TXNDC8: variants seen among roughly 807,000 people sequenced by gnomAD.
TXNDC8 encodes thioredoxin domain containing 8, also known as thioredoxin domain-containing protein 8.
In TXNDC8, 15 loss-of-function variants were observed where a neutral mutation model predicts 12.9. The observed-to-expected ratio is 1.16, with a 90% confidence interval of 0.78 to 1.79. The LOEUF (loss-of-function observed/expected upper bound fraction) is 1.79, where lower values mean the gene tolerates loss of function less well. Ranked by LOEUF, TXNDC8 falls within the 40% of genes most tolerant of loss-of-function variation. The pLI is 0.00. For synonymous variants in TXNDC8, 40 were observed against 35.4 expected (o/e 1.13, Z -0.46); for missense variants, 128 against 113.2 (o/e 1.13, Z -0.59).
At chr9:110,322,535 A>C (rs556504982) in intron 3 of TXNDC8, 11 of 985,442 alleles carry the variant, frequency 1.1e-5, no homozygotes, top group Non-Finnish European at 1.3e-5. Flanking sequence ...CAGAATTGAG[A>C]CCAAGCAGGG....
At position 110,329,154 on chromosome 9, in the gene TXNDC8, A is replaced by G; in HGVS notation, c.130-2914T>C. 3 of 1,232,194 alleles carry G rather than the reference A, an allele frequency of 2.4e-6. No homozygotes were observed. In the South Asian group the frequency reaches 3.9e-5, roughly 16 times the overall value. 76.3% of individuals were successfully genotyped at this position (1,232,194 alleles called of 1,614,324 possible). On this transcript the variant is annotated intron_variant, in intron 2 of 4. Transcript: ENST00000423740. ...TTGATTTTAAATTGGTCATGTATTA[A>G]TAATTACTGAGACAGTGCTATTCAA...
intron 3 of TXNDC8, among the ~76,000 whole-genome samples, 158 bp downstream of exon 4, chr9:110,326,017 G>A (rs1385357692): frequency 6.6e-6 from 1 of 152,126 alleles, no homozygotes. Context: ...TAAAGTTGTT[G>A]TATGTAAAGT....
At chr9:110,336,815 G>A (rs534305318) in intron 1 of TXNDC8, among the ~76,000 whole-genome samples, 1 of 152,266 alleles carries the variant, frequency 6.6e-6, no homozygotes, top group South Asian at 2.1e-4. Context: ...TACAACTGTA[G>A]TCTGGATGGC....
Position 110,303,515 on chromosome 9 carries a change from A to G in TXNDC8, c.*167T>C. 1 of 1,524,866 alleles carries G rather than the reference A, an allele frequency of 6.6e-7. No homozygotes were observed. The allele number at this position is 1,524,866 out of a possible 1,614,324, so 94.5% of individuals were successfully genotyped here. On this transcript the variant is annotated 3_prime_UTR_variant, in exon 5 of 5. Transcript: ENST00000423740. ...GTCACAAGTGTATTTTGCCTTGGAG[A>G]TCAGCTTACATTAATTCTTGAGTCT... is the stretch of plus-strand genomic sequence containing the variant.
At chr9:110,314,959 T>C (rs1838829503) in intron 3 of TXNDC8, among the ~76,000 whole-genome samples, 1 of 152,108 alleles carries the variant, frequency 6.6e-6, no homozygotes, top group Non-Finnish European at 1.5e-5. Context: ...GAGAATGGGG[T>C]GTGGCTGTCC....
intron 3 of TXNDC8, among the ~76,000 whole-genome samples, chr9:110,305,064 C>T (rs1031279756): frequency 4.2e-5 from 6 of 143,288 alleles, no homozygotes; most frequent in Admixed American, 7.6e-5. Flanking sequence ...ACGAGAATCA[C>T]TTGAACCCAG....
At chr9:110,309,429 A>G (rs904520877) in intron 3 of TXNDC8, among the ~76,000 whole-genome samples, 1 of 152,064 alleles carries the variant, frequency 6.6e-6, no homozygotes, top group Non-Finnish European at 1.5e-5. Context: ...TCTGCCTCCC[A>G]TGTTCAAGTG....
intron 2 of TXNDC8, among the ~76,000 whole-genome samples, chr9:110,328,445 G>A (rs7852696): frequency 0.38 from 58,517 of 152,044 alleles, 12,917 homozygotes; most frequent in African/African-American, 0.61. Flanking sequence ...CACAAAAAGC[G>A]TAAGATATTG....
rs763682901 is a variant in TXNDC8, at chr9:110,304,470, G to A, written c.258C>T (p.Asn86=). The A allele has an allele frequency of 6.2e-7, 1 of 1,608,648 alleles. No homozygotes were observed. The highest frequency in any genetic ancestry group is 2.2e-5 in the East Asian group (1 of 44,724). ...AACTTGATCCCATTTCACTTACCAG[G>A]TTGCTCATGAATCCACTTCTATAAC... Residue 86 remains asparagine (N), a synonymous_variant, in exon 4 of 5, where the codon AAC becomes AAT. Coordinates refer to ENST00000423740, the MANE Select transcript of TXNDC8 (RefSeq NM_001286946.2).
At chr9:110,331,842 G>T (rs771910552) in intron 2 of TXNDC8, among the ~76,000 whole-genome samples, 1 of 152,154 alleles carries the variant, frequency 6.6e-6, no homozygotes, top group Non-Finnish European at 1.5e-5. Flanking sequence ...CTCGCTGGCC[G>T]CTCACCTCCT....
At chr9:110,309,758 A>G (rs568565387) in intron 3 of TXNDC8, among the ~76,000 whole-genome samples, 2 of 152,254 alleles carry the variant, frequency 1.3e-5, no homozygotes, top group Non-Finnish European at 2.9e-5. Flanking sequence ...GTAAGAGGGT[A>G]GAAACAACTC....
downstream of TXNDC8, among the ~76,000 whole-genome samples, chr9:110,302,078 C>T (rs35933138): frequency 0.052 from 7,868 of 152,178 alleles, 278 homozygotes; most frequent in Middle Eastern, 0.085. Flanking sequence ...CAACCTCCAC[C>T]TTCCAGGCGC....
intron 1 of TXNDC8, 53 bp from the exon 2 acceptor site, chr9:110,334,373 A>AT (rs1475714078): frequency 1.4e-6 from 2 of 1,476,842 alleles, no homozygotes; most frequent in Non-Finnish European, 9.4e-7. Flanking sequence ...ATCTCATGAC[A>AT]TTTTGTAGAG....
At chr9:110,336,485 G>C (rs1445743552) in intron 1 of TXNDC8, among the ~76,000 whole-genome samples, 3 of 152,204 alleles carry the variant, frequency 2.0e-5, no homozygotes, top group Admixed American at 1.3e-4. Context: ...GTTTGGGTGT[G>C]AGCTGGCCTA....
intron 2 of TXNDC8, among the ~76,000 whole-genome samples, chr9:110,327,193 C>T (rs1375552967): frequency 6.6e-6 from 1 of 152,160 alleles, no homozygotes; most frequent in African/African-American, 2.4e-5. Context: ...CTTTAGAAAA[C>T]AGTTTGCCAC....
In TXNDC8 at chr9:110,313,876, T is replaced by C. The variant is rs566776117; in HGVS notation, c.196-9344A>G. ...TAAGCTTTCCTAATAACTTGGCACCTACCTGTCTAGGAATAAACCACCCTA... is the reference window on the plus strand; with the variant it reads ...TAAGCTTTCCTAATAACTTGGCACCCACCTGTCTAGGAATAAACCACCCTA... On this transcript the variant is annotated intron_variant, in intron 3 of 4. Transcript: ENST00000423740. Among the ~76,000 whole-genome samples the C allele has an allele frequency of 3.9e-5, 6 of 152,326 alleles. No homozygotes were observed. In the East Asian group the frequency reaches 1.2e-3, roughly 29 times the overall value.
At chr9:110,335,215 G>C (rs1423075947) in intron 1 of TXNDC8, among the ~76,000 whole-genome samples, 1 of 152,140 alleles carries the variant, frequency 6.6e-6, no homozygotes, top group Non-Finnish European at 1.5e-5. Flanking sequence ...TGCTCATAGA[G>C]TGTTTTCTTT....
intron 3 of TXNDC8, among the ~76,000 whole-genome samples, chr9:110,306,534 C>T (rs192692924): frequency 2.7e-3 from 414 of 152,288 alleles, no homozygotes; most frequent in Non-Finnish European, 4.7e-3. Flanking sequence ...CTGTCTCCCT[C>T]CCTGTTGCTC....
chr9:110,324,738 T>C (rs1839239829), intron 3 of TXNDC8, among the ~76,000 whole-genome samples: 1 of 152,186 alleles, frequency 6.6e-6, no homozygotes, highest in Non-Finnish European at 1.5e-5. Flanking sequence ...GGAATAAGCA[T>C]TTTGTGTCTC....
Sources: allele counts gnomAD v4.1 joint callset (sites outside exome capture counted in the v4.1 genomes callset), GRCh38; gene constraint gnomAD v4.1.1; transcripts MANE v1.5; gene names NCBI Gene and HGNC (gene_info 2026-07-23, HGNC 2026-07-21).